The following SLC25A28 variants were observed in gnomAD, a reference collection of about 807,000 sequenced individuals.
SLC25A28 encodes the protein solute carrier family 25 member 28, also known as mitoferrin-2.
SLC25A28 carries 10 observed loss-of-function variants against 31.9 expected under a neutral mutation model. That is an observed-to-expected ratio of 0.31 (90% CI 0.19 to 0.53). SLC25A28 has a LOEUF of 0.53. Ranked by LOEUF, SLC25A28 falls within the 20% of genes least tolerant of loss-of-function variation. SLC25A28 has a pLI of 0.95. For synonymous variants in SLC25A28, 208 were observed against 203.6 expected (o/e 1.02, Z -0.19); for missense variants, 256 against 490.3 (o/e 0.52, Z 4.51).
the SLC25A28 span, among the ~76,000 whole-genome samples, chr10:99,646,388 C>T: frequency 1.3e-5 from 2 of 152,196 alleles, no homozygotes; most frequent in African/African-American, 4.8e-5. Flanking sequence ...CCTGGTGTGC[C>T]CTTTGCTAAG....
the SLC25A28 span, among the ~76,000 whole-genome samples, chr10:99,643,676 C>A: frequency 6.6e-6 from 1 of 152,126 alleles, no homozygotes; most frequent in Admixed American, 6.5e-5. Flanking sequence ...AATTTTAGAT[C>A]TTTCCTGCTT....
At chr10:99,631,030 A>G in the SLC25A28 span, among the ~76,000 whole-genome samples, 4 of 152,154 alleles carry the variant, frequency 2.6e-5, no homozygotes, top group Non-Finnish European at 5.9e-5. Flanking sequence ...AATTTTCTGG[A>G]CAAAGAAAAC....
the SLC25A28 span, among the ~76,000 whole-genome samples, chr10:99,632,365 G>T: frequency 1.9e-4 from 29 of 152,104 alleles, no homozygotes; most frequent in East Asian, 2.7e-3. Flanking sequence ...GCAGATTTTG[G>T]TATCTGTGGA....
chr10:99,615,606 A>G (rs1170591693), intron 1 of SLC25A28: 4 of 985,286 alleles, frequency 4.1e-6, no homozygotes, highest in South Asian at 4.7e-5. Flanking sequence ...ACAATTTGAC[A>G]CATTCTTTCC....
chr10:99,615,239 C>T lies in SLC25A28; in HGVS notation c.292-1315G>A, dbSNP rs1457447135. On this transcript the variant is annotated intron_variant, in intron 1 of 3. Transcript: ENST00000370495. ...GGGCATGGTGGTGTGCACCTGTAATCCCAGCTACTCAGGAGGCAGGAGAAT... is the reference window on the plus strand; with the variant it reads ...GGGCATGGTGGTGTGCACCTGTAATTCCAGCTACTCAGGAGGCAGGAGAAT... Among the ~76,000 whole-genome samples the T allele has an allele frequency of 2.6e-5, 4 of 151,966 alleles. No individual in the cohort carries two copies. In the East Asian group the frequency reaches 7.7e-4, roughly 29 times the overall value.
At chr10:99,618,256 C>T in intron 1 of SLC25A28, 2 of 979,812 alleles carry the variant, frequency 2.0e-6, no homozygotes, top group Admixed American at 1.2e-4. Context: ...AAGGAGATAA[C>T]CTCCCGTTCT....
At chr10:99,644,177 C>T in the SLC25A28 span, among the ~76,000 whole-genome samples, 5 of 152,250 alleles carry the variant, frequency 3.3e-5, no homozygotes, top group African/African-American at 1.2e-4. Context: ...GTTAAAGTCT[C>T]CCATTATTAT....
chr10:99,629,726 G>A, the SLC25A28 span, among the ~76,000 whole-genome samples: 1 of 152,230 alleles, frequency 6.6e-6, no homozygotes, highest in Non-Finnish European at 1.5e-5. Context: ...ACAGATTGGT[G>A]GTTACCAGAT....
the SLC25A28 span, among the ~76,000 whole-genome samples, chr10:99,644,466 G>A: frequency 6.6e-5 from 10 of 152,148 alleles, no homozygotes; most frequent in African/African-American, 1.9e-4. Flanking sequence ...GTCTCTGCCC[G>A]TGAGATGGGT....
At chr10:99,629,705 A>T in the SLC25A28 span, among the ~76,000 whole-genome samples, 20 of 152,264 alleles carry the variant, frequency 1.3e-4, no homozygotes, top group African/African-American at 4.6e-4. Flanking sequence ...ATAGCTCTAT[A>T]GAGACAGAAC....
intron 1 of SLC25A28, chr10:99,619,513 A>G (rs781124188): frequency 7.2e-6 from 5 of 696,550 alleles, no homozygotes; most frequent in Admixed American, 6.3e-5. Context: ...TCACTGCACA[A>G]TGATTTCCAA....
the SLC25A28 span, among the ~76,000 whole-genome samples, chr10:99,636,330 C>T: frequency 6.6e-6 from 1 of 152,172 alleles, no homozygotes; most frequent in Non-Finnish European, 1.5e-5. Flanking sequence ...ACCTTCAAAA[C>T]CATGCAAATA....
intron 1 of SLC25A28, chr10:99,617,227 A>G (rs1184512010): frequency 9.2e-5 from 91 of 985,328 alleles, no homozygotes; most frequent in Non-Finnish European, 1.1e-4. Flanking sequence ...TTTGAGGCCC[A>G]GAAAAGGAAA....
the SLC25A28 span, among the ~76,000 whole-genome samples, chr10:99,643,256 T>C: frequency 1.3e-5 from 2 of 152,342 alleles, no homozygotes; most frequent in African/African-American, 4.8e-5. Flanking sequence ...CTGTTACCAA[T>C]CTATTCAGGG....
At chr10:99,651,489 C>CA in the SLC25A28 span, among the ~76,000 whole-genome samples, 4 of 151,800 alleles carry the variant, frequency 2.6e-5, no homozygotes, top group Non-Finnish European at 5.9e-5. Context: ...ATGTGATTTG[C>CA]AAATATTTTC....
the SLC25A28 span, among the ~76,000 whole-genome samples, chr10:99,636,639 A>G: frequency 2.6e-5 from 4 of 152,182 alleles, no homozygotes; most frequent in Non-Finnish European, 5.9e-5. Flanking sequence ...AATACAAAAG[A>G]TCATTCAAGG....
rs1318218467 is a variant in SLC25A28 at position 99,611,906 on chromosome 10, T to C, written c.578-540A>G. 6.6e-6 allele frequency among the ~76,000 whole-genome samples: 1 copy of C among 152,214 alleles called. No individual in the cohort carries two copies. Among genetic ancestry groups the C allele is most frequent in the Non-Finnish European group, 1.5e-5 (1 of 68,038 alleles). ...TTCAAACACCTCCCACTCCCTCAAG[T>C]AGATAACATGGTGTGAGCTCTGTGG... On this transcript the variant is annotated intron_variant, in intron 3 of 3. Coordinates refer to ENST00000370495, the MANE Select transcript of SLC25A28 (RefSeq NM_031212.4). This position sits in a 1 kb window ranked among gnomAD's most constrained non-coding sequence, Gnocchi z 5.5.
chr10:99,646,006 G>T, the SLC25A28 span, among the ~76,000 whole-genome samples: 2 of 152,182 alleles, frequency 1.3e-5, no homozygotes, highest in African/African-American at 4.8e-5. Context: ...CTACTTGGAG[G>T]TCAGGGACCC....
chr10:99,648,788 T>C, the SLC25A28 span, among the ~76,000 whole-genome samples: 1 of 151,900 alleles, frequency 6.6e-6, no homozygotes, highest in East Asian at 1.9e-4. Flanking sequence ...CTGATTTCTG[T>C]ACATTAATTT....
Sources: gnomAD v4.1 joint callset for allele counts (sites outside exome capture counted in the v4.1 genomes callset) on GRCh38, gnomAD v4.1.1 for gene constraint, Gnocchi (gnomAD v3.1) non-coding constraint, MANE v1.5 for transcripts, NCBI Gene and HGNC (gene_info 2026-07-23, HGNC 2026-07-21) for gene names.